RFC5: variants seen among roughly 807,000 people sequenced by gnomAD.
RFC5 encodes replication factor C subunit 5.
In RFC5, 26 loss-of-function variants were observed where a neutral mutation model predicts 44.3. That is an observed-to-expected ratio of 0.59 (90% CI 0.43 to 0.81). The LOEUF (loss-of-function observed/expected upper bound fraction) is 0.81. RFC5 is among the 40% of genes least tolerant of loss of function. RFC5 has a pLI of 0.00. For synonymous variants in RFC5, 155 were observed against 155.2 expected, an observed-to-expected ratio of 1.00 and a Z score of 0.01; for missense variants, 328 against 418.6, an observed-to-expected ratio of 0.78 and a Z score of 1.89.
chr12:118,029,354 G>A (rs1265887064), intron 9 of RFC5, among the ~76,000 whole-genome samples: 1 of 152,116 alleles, frequency 6.6e-6, no homozygotes. Flanking sequence ...AGAGGTCAAG[G>A]CTGCAGTGAG....
chr12:118,037,665 T>C (rs1408508732), downstream of RFC5, among the ~76,000 whole-genome samples: 1 of 137,342 alleles, frequency 7.3e-6, no homozygotes, highest in Non-Finnish European at 1.6e-5. Context: ...CGAAACTCTG[T>C]CTAAAAAAAA....
intron 1 of RFC5, chr12:118,017,982 C>T (rs1347776795): frequency 1.3e-5 from 9 of 698,514 alleles, no homozygotes; most frequent in Non-Finnish European, 2.3e-5. Context: ...TCCCCATTCT[C>T]CCCTTCCTCT....
At chr12:118,022,932 G>T (rs1321906098) in intron 5 of RFC5, among the ~76,000 whole-genome samples, 6 of 152,304 alleles carry the variant, frequency 3.9e-5, no homozygotes, top group African/African-American at 1.4e-4. Flanking sequence ...GCAGCCTAGG[G>T]ACTAAGCCCT....
downstream of RFC5, chr12:118,036,369 G>A: frequency 6.2e-7 from 1 of 1,614,134 alleles, no homozygotes; most frequent in South Asian, 1.1e-5. Flanking sequence ...CCGGTGTAGG[G>A]GTCCCACATA....
downstream of RFC5, among the ~76,000 whole-genome samples, chr12:118,037,173 CTG>C (rs2031531102): frequency 6.6e-6 from 1 of 150,622 alleles, no homozygotes; most frequent in African/African-American, 2.4e-5. Context: ...AAGAGTAAGA[CTG>C]TCTCAAATTT....
downstream of RFC5, chr12:118,036,267 C>A: frequency 6.6e-7 from 1 of 1,514,176 alleles, no homozygotes; most frequent in South Asian, 1.2e-5. Flanking sequence ...CTAAAAGAGA[C>A]ATGTCTAATC....
At chr12:118,023,188 T>C (rs534985488) in intron 5 of RFC5, among the ~76,000 whole-genome samples, 2 of 151,960 alleles carry the variant, frequency 1.3e-5, no homozygotes, top group South Asian at 2.1e-4. Flanking sequence ...ATTACTTCAC[T>C]GCTTGCCAAG....
downstream of RFC5, chr12:118,034,535 T>C (rs752372017): frequency 5.7e-6 from 4 of 705,534 alleles, no homozygotes; most frequent in Non-Finnish European, 4.4e-6. Context: ...AAGCTGCTGA[T>C]AGGATTAGAA....
intron 3 of RFC5, among the ~76,000 whole-genome samples, chr12:118,020,258 G>A (rs553896248): frequency 1.3e-5 from 2 of 152,270 alleles, no homozygotes; most frequent in South Asian, 4.1e-4. Context: ...CACCTGTAGG[G>A]TACATCTCAC....
At chr12:118,021,114 A>G (rs1314834294) in intron 4 of RFC5, 129 bp downstream of exon 4, 7 of 585,034 alleles carry the variant, frequency 1.2e-5, no homozygotes, top group African/African-American at 3.8e-5. Flanking sequence ...CAAAGCAACC[A>G]TGGAAAAGAG....
chr12:118,040,986 T>C, the RFC5 span, among the ~76,000 whole-genome samples: 1 of 152,142 alleles, frequency 6.6e-6, no homozygotes, highest in Non-Finnish European at 1.5e-5. Flanking sequence ...GAGGCGGAGG[T>C]TGCAGTGAGC....
chr12:118,021,226 T>C (rs569569948), intron 4 of RFC5, among the ~76,000 whole-genome samples: 71 of 152,174 alleles, frequency 4.7e-4, no homozygotes, highest in African/African-American at 1.7e-3. Flanking sequence ...TTCTTTTTTT[T>C]TTGGAGACAG....
At chr12:118,038,159 C>T in the RFC5 span, 6 of 768,748 alleles carry the variant, frequency 7.8e-6, no homozygotes, top group Non-Finnish European at 1.2e-5. Context: ...CAGGTGGTGG[C>T]CATGGCCCAC....
chr12:118,034,174 G>C, downstream of RFC5: 1 of 1,613,772 alleles, frequency 6.2e-7, no homozygotes, highest in Non-Finnish European at 8.5e-7. Flanking sequence ...CTGCTACAAA[G>C]AAGCACAAGA....
At chr12:118,023,133 GGCTAGGAAAA>G (rs1291874529) in intron 5 of RFC5, among the ~76,000 whole-genome samples, 1 of 151,878 alleles carries the variant, frequency 6.6e-6, no homozygotes. Flanking sequence ...GAACCACAAT[GGCTAGGAAAA>G]GCATATCTGA....
intron 5 of RFC5, 97 bp from the exon 6 acceptor site, chr12:118,024,754 C>T (rs775884884): frequency 5.9e-5 from 61 of 1,034,212 alleles, no homozygotes; most frequent in Non-Finnish European, 8.5e-5. Flanking sequence ...GAATCTTTTC[C>T]TATACCCTTG....
chr12:118,034,776 T>G (rs1199933758), downstream of RFC5: 1 of 577,076 alleles, frequency 1.7e-6, no homozygotes, highest in Non-Finnish European at 3.0e-6. Flanking sequence ...TGGCATGACT[T>G]ACAGATCTTT....
chr12:118,034,520 A>G (rs2031454402), downstream of RFC5, among the ~76,000 whole-genome samples: 1 of 151,862 alleles, frequency 6.6e-6, no homozygotes, highest in African/African-American at 2.4e-5. Context: ...GGTGCTGAAT[A>G]ATTAAAGCTG....
Position 118,019,004 on chromosome 12 carries a change from G to C in RFC5, c.66-68G>C. 8.2e-7 allele frequency: 1 copy of C among 1,226,940 alleles called. No homozygotes were observed. Among genetic ancestry groups the C allele is most frequent in the Non-Finnish European group, 1.2e-6 (1 of 835,786 alleles). 76.0% of individuals were successfully genotyped at this position (1,226,940 alleles called of 1,614,324 possible). On this transcript the variant is annotated intron_variant, in intron 1 of 10. Coordinates refer to ENST00000454402, the MANE Select transcript of RFC5 (RefSeq NM_007370.7). This position sits in a 1 kb window ranked among gnomAD's most constrained non-coding sequence, Gnocchi z 4.2. ...ATGAGCCACTGTGCCTGACCTGCAA[G>C]GATTCTTTTGCACATAAAATATTCT...
Sources: allele counts gnomAD v4.1 joint callset (sites outside exome capture counted in the v4.1 genomes callset), GRCh38; gene constraint gnomAD v4.1.1; non-coding constraint Gnocchi (gnomAD v3.1); transcripts MANE v1.5; gene names NCBI Gene and HGNC (gene_info 2026-07-23, HGNC 2026-07-21).